The following TRAF3 variants were observed in gnomAD, a reference collection of about 807,000 sequenced individuals.
The protein encoded by TRAF3 is TNF receptor-associated factor 3.
A neutral mutation model predicts 62.3 loss-of-function variants in TRAF3; 13 were observed. The observed-to-expected ratio is 0.21, with a 90% CI of 0.14 to 0.33. The LOEUF is 0.33. Among genes scored for constraint, TRAF3 ranks in the 10% least tolerant of loss-of-function variants. TRAF3 has a pLI of 1.00. For synonymous variants in TRAF3, 269 were observed against 283.4 expected (o/e 0.95, Z 0.51); for missense variants, 440 against 741.8 (o/e 0.59, Z 4.73).
intron 1 of TRAF3, among the ~76,000 whole-genome samples, chr14:102,793,797 G>A (rs1161860283): frequency 2.6e-5 from 4 of 152,204 alleles, no homozygotes; most frequent in African/African-American, 9.7e-5. Flanking sequence ...AGATTGTTCC[G>A]GATAATGGTT....
chr14:102,864,502 T>C (rs1417018356), intron 2 of TRAF3, among the ~76,000 whole-genome samples: 1 of 152,178 alleles, frequency 6.6e-6, no homozygotes, highest in Non-Finnish European at 1.5e-5. Flanking sequence ...TTGAGTTCCT[T>C]ACTCAGCCAT....
rs530522158 is a variant in TRAF3 at position 102,889,939 on chromosome 14, T to C, written c.726+305T>C. On this transcript the variant is annotated intron_variant, in intron 8 of 11. Transcript: ENST00000392745. Reference sequence around the variant, plus strand: ...CTTGACATTTGGTGGGGTTTTCAGATAGATTGTTACGGAAATTTTAGCAGT... The same window carrying C: ...CTTGACATTTGGTGGGGTTTTCAGACAGATTGTTACGGAAATTTTAGCAGT... Among the ~76,000 whole-genome samples, 7 of 152,364 alleles carry C rather than the reference T, an allele frequency of 4.6e-5. No individual in the cohort carries two copies. In the South Asian group the frequency reaches 1.2e-3, roughly 27 times the overall value.
intron 6 of TRAF3, among the ~76,000 whole-genome samples, chr14:102,882,957 T>C (rs1193775770): frequency 2.0e-5 from 3 of 152,212 alleles, no homozygotes; most frequent in African/African-American, 7.2e-5. Flanking sequence ...TCTGTTAACT[T>C]GTGAAGGTCA....
At chr14:102,874,837 T>G (rs2139849284) in intron 4 of TRAF3, among the ~76,000 whole-genome samples, 1 of 151,658 alleles carries the variant, frequency 6.6e-6, no homozygotes, top group South Asian at 2.1e-4. Flanking sequence ...AAAAAATTTT[T>G]GTAGAGATAG....
chr14:102,820,190 C>G (rs1384466417), intron 1 of TRAF3, among the ~76,000 whole-genome samples: 1 of 152,146 alleles, frequency 6.6e-6, no homozygotes, highest in East Asian at 1.9e-4. Flanking sequence ...GCAGAAGGGG[C>G]ACTGCATTGT....
At chr14:102,822,143 T>C (rs1900025758) in intron 1 of TRAF3, among the ~76,000 whole-genome samples, 1 of 152,178 alleles carries the variant, frequency 6.6e-6, no homozygotes, top group Admixed American at 6.5e-5. Context: ...TTCTTCGGGA[T>C]TAAAAAAACC....
rs564465943 is a variant in TRAF3 at position 102,836,823 on chromosome 14, A to G, written c.-18+6351A>G. 3.3e-5 allele frequency among the ~76,000 whole-genome samples: 5 copies of G among 152,376 alleles called. No individual in the cohort carries two copies. In the South Asian group the frequency reaches 1.0e-3, roughly 32 times the overall value. On this transcript the variant is annotated intron_variant, in intron 2 of 11. Coordinates refer to ENST00000392745, the MANE Select transcript of TRAF3 (RefSeq NM_145725.3). ...TTTGTGTTTTAGGAATGAAGTAAGT[A>G]TGCAGTGGTAATGAATGTTTGATCA...
At position 102,903,003 on chromosome 14, in the gene TRAF3, C is replaced by A; in HGVS notation, c.961-252C>A. The A allele has an allele frequency of 1.8e-6, 1 of 549,520 alleles. No homozygotes were observed. Among genetic ancestry groups the A allele is most frequent in the Non-Finnish European group, 3.3e-6 (1 of 304,944 alleles). The allele number at this position is 549,520 out of a possible 1,614,324, so 34.0% of individuals were successfully genotyped here. On this transcript the variant is annotated intron_variant, in intron 10 of 11. Coordinates refer to ENST00000392745, the MANE Select transcript of TRAF3 (RefSeq NM_145725.3). The surrounding 1 kb of genome is among the most constrained non-coding windows in gnomAD (Gnocchi z 6.4). ...GACAAAGCAAGCTGACTTAGTGGAG[C>A]CTCCTGTTGTTTTCTTCCATGTGGC... is the stretch of plus-strand genomic sequence containing the variant.
Position 102,811,676 on chromosome 14 carries a change from C to T in TRAF3, c.-156-18658C>T, listed in dbSNP as rs11160703. 8.1e-3 allele frequency among the ~76,000 whole-genome samples: 1,173 copies of T among 145,276 alleles called. 20 individuals carry two copies. The highest frequency in any genetic ancestry group is 0.028 in the African/African-American group (1,107 of 39,386). ...CTCTCAATTTGACTCTCAGTTTGAT[C>T]GGAAGTTGCTAAGATGGGCTGACAT... On this transcript the variant is annotated intron_variant, in intron 1 of 11. Transcript: ENST00000392745.
Position 102,905,508 on chromosome 14 carries a change from C to A in TRAF3, c.1431C>A (p.Ile477=), listed in dbSNP as rs1235902845. 13 of 1,614,086 alleles carry A rather than the reference C, an allele frequency of 8.1e-6. No individual in the cohort carries two copies. The highest frequency in any genetic ancestry group is 1.1e-5 in the Non-Finnish European group (13 of 1,180,054). The change falls in exon 12 of 12, where the codon ATC becomes ATA. Residue 477 remains isoleucine (I), a synonymous_variant. Coordinates refer to ENST00000392745, the MANE Select transcript of TRAF3 (RefSeq NM_145725.3). ...KGTHLSLFFV[I]MRGEYDALLP... is the part of the protein sequence containing the mutation. ...CGCACTTGTCGCTGTTTTTTGTCAT[C>A]ATGCGTGGAGAATATGATGCCCTGC...
chr14:102,858,702 CAT>C (rs142079915), intron 2 of TRAF3, among the ~76,000 whole-genome samples: 1,768 of 152,232 alleles, frequency 0.012, 23 homozygotes, highest in Middle Eastern at 0.027. Flanking sequence ...TATGCTAAGT[CAT>C]ATCACAATTC....
intron 2 of TRAF3, among the ~76,000 whole-genome samples, chr14:102,837,599 G>T (rs1330317407): frequency 6.6e-6 from 1 of 151,962 alleles, no homozygotes; most frequent in Non-Finnish European, 1.5e-5. Flanking sequence ...TCCTAAGGGA[G>T]TAAACAAACT....
chr14:102,841,412 T>C (rs1188168022), intron 2 of TRAF3, among the ~76,000 whole-genome samples: 4 of 152,280 alleles, frequency 2.6e-5, no homozygotes, highest in East Asian at 1.9e-4. Context: ...CTGGGAATAG[T>C]TTGTGTTCCC....
At chr14:102,892,006 A>G (rs1889744360) in intron 9 of TRAF3, among the ~76,000 whole-genome samples, 2 of 150,932 alleles carry the variant, frequency 1.3e-5, no homozygotes, top group Non-Finnish European at 2.9e-5. Flanking sequence ...CGCTCTCCAC[A>G]TAGACAGGGC....
intron 1 of TRAF3, among the ~76,000 whole-genome samples, chr14:102,787,059 G>A (rs796340805): frequency 3.3e-5 from 5 of 152,256 alleles, no homozygotes; most frequent in African/African-American, 1.2e-4. Context: ...TAATATTTCA[G>A]AAGTGATCAT....
chr14:102,808,470 G>GCC (rs972616697), intron 1 of TRAF3, among the ~76,000 whole-genome samples: 20 of 150,188 alleles, frequency 1.3e-4, no homozygotes, highest in African/African-American at 4.7e-4. Flanking sequence ...CCGAGATTGT[G>GCC]CCACTGCACT....
rs369664711 is a variant in TRAF3, at chr14:102,797,964, T to C, written c.-157+20289T>C. Among the ~76,000 whole-genome samples the C allele has an allele frequency of 5.3e-5, 8 of 152,252 alleles. No individual in the cohort carries two copies. In the East Asian group the frequency reaches 1.2e-3, roughly 22 times the overall value. On this transcript the variant is annotated intron_variant, in intron 1 of 11. Coordinates refer to ENST00000392745, the MANE Select transcript of TRAF3 (RefSeq NM_145725.3). ...GTTGGTCAGGCTGGTCTCCAACTCCTGACCTCAGGTGATCTACCTGCCTCG... is the reference window on the plus strand; with the variant it reads ...GTTGGTCAGGCTGGTCTCCAACTCCCGACCTCAGGTGATCTACCTGCCTCG...
intron 10 of TRAF3, among the ~76,000 whole-genome samples, chr14:102,902,711 G>A (rs1283740528): frequency 1.3e-5 from 2 of 152,232 alleles, no homozygotes; most frequent in Non-Finnish European, 2.9e-5. Flanking sequence ...TGGCCTGGGA[G>A]AAGAGCTGGG....
In TRAF3 at chr14:102,903,246, G is replaced by A; in HGVS notation, c.961-9G>A. 6.2e-7 allele frequency: 1 copy of A among 1,614,170 alleles called. No individual in the cohort carries two copies. The highest frequency in any genetic ancestry group is 8.5e-7 in the Non-Finnish European group (1 of 1,180,046). On this transcript the variant is annotated splice_polypyrimidine_tract_variant and intron_variant, in intron 10 of 11. Transcript: ENST00000392745. This position sits in a 1 kb window ranked among gnomAD's most constrained non-coding sequence, Gnocchi z 6.4. ...TGTGTTTTGCTTTTTAACACCTTTG[G>A]TTTGGAAGCGAGTGATAGACAGCCA...
Sources: gnomAD v4.1 joint callset for allele counts (sites outside exome capture counted in the v4.1 genomes callset) on GRCh38, gnomAD v4.1.1 for gene constraint, Gnocchi (gnomAD v3.1) non-coding constraint, MANE v1.5 for transcripts, NCBI Gene and HGNC (gene_info 2026-07-23, HGNC 2026-07-21) for gene names.